Variants in CLDN16 observed in about 807,000 individuals in gnomAD.
CLDN16 encodes claudin-16.
Under a neutral mutation model 24.6 loss-of-function variants are expected in CLDN16, and 13 were observed. The observed-to-expected ratio is 0.53, with a 90% CI of 0.34 to 0.84. CLDN16 has a LOEUF of 0.84. Among genes scored for constraint, CLDN16 ranks in the 40% least tolerant of loss-of-function variants. The probability of loss-of-function intolerance (pLI) is 0.01; values close to 1 mark genes in which losing one functional copy is unlikely to be tolerated. For synonymous variants in CLDN16, 116 were observed against 106.7 expected (o/e 1.09, Z -0.54); for missense variants, 298 against 292.7 (o/e 1.02, Z -0.13).
At chr3:190,368,073 G>A (rs1434686025) in intron 1 of CLDN16, among the ~76,000 whole-genome samples, 1 of 151,898 alleles carries the variant, frequency 6.6e-6, no homozygotes, top group Non-Finnish European at 1.5e-5. Context: ...CTTTAAGATA[G>A]CCCTCAATGA....
At chr3:190,314,180 C>G in the CLDN16 span, among the ~76,000 whole-genome samples, 1 of 152,028 alleles carries the variant, frequency 6.6e-6, no homozygotes, top group African/African-American at 2.4e-5. Flanking sequence ...ACAATTGACT[C>G]CTTGATGGTC....
upstream of CLDN16, among the ~76,000 whole-genome samples, chr3:190,318,978 C>T (rs138570465): frequency 2.0e-5 from 3 of 152,204 alleles, no homozygotes; most frequent in East Asian, 5.8e-4. Flanking sequence ...TCTCAGGGTT[C>T]GGTGAGATTG....
At chr3:190,303,020 T>G in the CLDN16 span, among the ~76,000 whole-genome samples, 3 of 151,914 alleles carry the variant, frequency 2.0e-5, no homozygotes, top group African/African-American at 7.2e-5. Flanking sequence ...GTAATATGAC[T>G]ATTATAATAT....
chr3:190,322,502 G>T, upstream of CLDN16: 2 of 402,914 alleles, frequency 5.0e-6, no homozygotes, highest in Non-Finnish European at 9.1e-6. Flanking sequence ...AGCCCCGGCA[G>T]CCGGGGAGCG....
intron 4 of CLDN16, 31 bp from the exon 5 acceptor site, chr3:190,409,872 T>C: frequency 6.2e-7 from 1 of 1,607,180 alleles, no homozygotes; most frequent in Non-Finnish European, 8.5e-7. Flanking sequence ...GTTCACTGAG[T>C]TCTACTTATT....
At chr3:190,313,329 G>T in the CLDN16 span, 6 of 402,016 alleles carry the variant, frequency 1.5e-5, no homozygotes, top group Admixed American at 4.1e-5. Flanking sequence ...ATTGAATAGG[G>T]TTAGCTGAAC....
At chr3:190,291,465 A>G in the CLDN16 span, among the ~76,000 whole-genome samples, 2 of 152,136 alleles carry the variant, frequency 1.3e-5, no homozygotes, top group Non-Finnish European at 2.9e-5. Flanking sequence ...TGAAACCATC[A>G]GATCTCATGA....
the CLDN16 span, chr3:190,310,194 C>G: frequency 6.2e-7 from 1 of 1,613,774 alleles, no homozygotes; most frequent in Non-Finnish European, 8.5e-7. Context: ...GTCATAGGGT[C>G]ATAGAATTCT....
At chr3:190,374,269 TTGTGTGTGTGTGTGTGTGTG>T (rs3220823) in intron 2 of CLDN16, among the ~76,000 whole-genome samples, 2 of 139,398 alleles carry the variant, frequency 1.4e-5, no homozygotes, top group Admixed American at 7.2e-5. Context: ...CTGAAAAACA[TTGTGTGTGTGTGTGTGTGTG>T]TGTGTGTGTG....
At chr3:190,323,433 G>A (rs1381517241) in intron 1 of CLDN16, among the ~76,000 whole-genome samples, 3 of 152,110 alleles carry the variant, frequency 2.0e-5, no homozygotes, top group Non-Finnish European at 4.4e-5. Flanking sequence ...CTCCGGTTTC[G>A]GTCTCGCTGG....
At chr3:190,350,671 A>T (rs1480512657) in intron 1 of CLDN16, among the ~76,000 whole-genome samples, 1 of 152,038 alleles carries the variant, frequency 6.6e-6, no homozygotes, top group African/African-American at 2.4e-5. Context: ...AGCTTAATTG[A>T]CTGGGCTCAG....
chr3:190,322,137 T>G (rs1231695555), upstream of CLDN16: 1 of 1,614,196 alleles, frequency 6.2e-7, no homozygotes, highest in South Asian at 1.1e-5. Context: ...AGGGCAGTGC[T>G]GACGATGGCG....
At chr3:190,351,295 G>C (rs1410240269) in intron 1 of CLDN16, among the ~76,000 whole-genome samples, 6 of 152,036 alleles carry the variant, frequency 3.9e-5, no homozygotes, top group African/African-American at 1.4e-4. Flanking sequence ...AGTCTCCGGT[G>C]TTCCTTTACA....
Position 190,325,257 on chromosome 3 carries a change from G to A in CLDN16, n.121+2596G>A, listed in dbSNP as rs573739923. Among the ~76,000 whole-genome samples the A allele has an allele frequency of 7.9e-5, 12 of 152,184 alleles. 1 individual carries two copies. Among genetic ancestry groups the A allele is most frequent in the South Asian group, 6.2e-4 (3 of 4,802 alleles). ...GGAATTCCAAACTATATAATTTGAC[G>A]CTCGTGTCCATGCCTTTGACTGCTC... On this transcript the variant is annotated intron_variant and non_coding_transcript_variant, in intron 1 of 4. Transcript: ENST00000468220.
chr3:190,409,325 T>TATGTATGTATATATGCACACATGC (rs1560100225), intron 4 of CLDN16, among the ~76,000 whole-genome samples: 1 of 148,334 alleles, frequency 6.7e-6, no homozygotes, highest in Non-Finnish European at 1.5e-5. Flanking sequence ...TGCACACATG[T>TATGTATGTATATATGCACACATGC]ATATGTATAT....
intron 1 of CLDN16, among the ~76,000 whole-genome samples, chr3:190,390,942 C>A (rs56337446): frequency 6.6e-6 from 1 of 151,942 alleles, no homozygotes; most frequent in African/African-American, 2.4e-5. Flanking sequence ...CATGTCCCCA[C>A]AACTGGCTAA....
rs59109902 is a variant in CLDN16 at position 190,380,131 on chromosome 3, C to CCTTCCTTCCTTCCTTCCTTCCTTCCTCT, written n.306+5539_306+5540insCCTTCCTTCCTTCCTCTCTTCCTTCCTT. Among the ~76,000 whole-genome samples the CCTTCCTTCCTTCCTTCCTTCCTTCCTCT allele has an allele frequency of 1.5e-3, 77 of 51,994 alleles. 15 individuals carry two copies. The highest frequency in any genetic ancestry group is 3.2e-3 in the African/African-American group (42 of 13,080). The allele number at this position is 51,994 out of a possible 152,430, so 34.1% of individuals were successfully genotyped here. On this transcript the variant is annotated intron_variant and non_coding_transcript_variant, in intron 3 of 4. Transcript: ENST00000468220. ...GGTGAATCCCATTCCTTCCTTTCTT[C>CCTTCCTTCCTTCCTTCCTTCCTTCCTCT]CTTCCTTCCTTTTCTTCCTTCCCTC...
chr3:190,301,001 C>A, the CLDN16 span, among the ~76,000 whole-genome samples: 1 of 152,114 alleles, frequency 6.6e-6, no homozygotes, highest in Non-Finnish European at 1.5e-5. Context: ...CATTATTAAC[C>A]AGCTAGCCTA....
chr3:190,406,384 T>C (rs1369243905), intron 3 of CLDN16, among the ~76,000 whole-genome samples: 1 of 152,244 alleles, frequency 6.6e-6, no homozygotes, highest in Non-Finnish European at 1.5e-5. Flanking sequence ...GATTTAAACA[T>C]TATTTAATCT....
Sources: gnomAD v4.1 joint callset for allele counts (sites outside exome capture counted in the v4.1 genomes callset) on GRCh38, gnomAD v4.1.1 for gene constraint, MANE v1.5 for transcripts, NCBI Gene and HGNC (gene_info 2026-07-23, HGNC 2026-07-21) for gene names.